PLPP3: variants seen among roughly 807,000 people sequenced by gnomAD.
The protein encoded by PLPP3 is PAP2 beta.
In PLPP3, 6 loss-of-function variants were observed where a neutral mutation model predicts 29.6. The ratio of observed to expected loss-of-function variants is 0.20; its 90% confidence interval spans 0.11 to 0.40. PLPP3 has a LOEUF of 0.40. Ranked by LOEUF, PLPP3 falls within the 10% of genes least tolerant of loss-of-function variation. The pLI is 1.00. For synonymous variants in PLPP3, 152 were observed against 159.7 expected, an observed-to-expected ratio of 0.95 and a Z score of 0.36; for missense variants, 308 against 407.7, an observed-to-expected ratio of 0.76 and a Z score of 2.11.
chr1:56,514,149 T>G (rs1029594661), intron 4 of PLPP3, among the ~76,000 whole-genome samples: 2 of 152,014 alleles, frequency 1.3e-5, no homozygotes, highest in African/African-American at 4.8e-5. Flanking sequence ...TCCTGACATA[T>G]AGAGCAGACA....
rs1179859017 is a variant in PLPP3 at position 56,523,842 on chromosome 1, T to C, written c.614A>G (p.Tyr205Cys). 6.2e-7 allele frequency: 1 copy of C among 1,613,718 alleles called. No individual in the cohort carries two copies. Among genetic ancestry groups the C allele is most frequent in the Admixed American group, 1.7e-5 (1 of 59,980 alleles). Residue 205 changes from tyrosine to cysteine, a missense_variant, in exon 4 of 6, where the codon TAC becomes TGC. Tyr to Cys is a radical substitution (Grantham distance 194, BLOSUM62 -2). Around this residue, in one of 3 missense-constraint regions of PLPP3, gnomAD observed 232 missense variants for 317.2 expected, o/e 0.73. Transcript: ENST00000371250. ...ACTTACCACCAAATACAGCATAGTG[T>C]ACATGGAGAAGGAGGCATGGCCAGA... is the stretch of plus-strand genomic sequence containing the variant. Reference protein sequence around the residue: ...FFSGHASFSMYTMLYLVLYLQ... With the variant: ...FFSGHASFSMCTMLYLVLYLQ...
rs140476566 is a variant in PLPP3, at chr1:56,524,511, G to A, written c.341C>T (p.Ser114Leu). 4.5e-5 allele frequency: 73 copies of A among 1,612,588 alleles called. No homozygotes were observed. The highest frequency in any genetic ancestry group is 5.7e-5 in the Non-Finnish European group (67 of 1,178,792). The change falls in exon 3 of 6, where the codon TCG becomes TTG. Residue 114 changes from serine to leucine, a missense_variant. This residue lies in a region of PLPP3 where 232 missense variants were observed against 317.2 expected (regional missense o/e 0.73). Coordinates refer to ENST00000371250, the MANE Select transcript of PLPP3 (RefSeq NM_003713.5). The surrounding 1 kb of genome is among the most constrained non-coding windows in gnomAD (Gnocchi z 4.3). Reference protein sequence around the residue: ...EFYRIYYLKKSRSTIQNPYVA... With the variant: ...EFYRIYYLKKLRSTIQNPYVA... ...GTAGGGGTTCTGAATCGTCGACCGC[G>A]ACTTCTTCAGGTAATAGATCCGGTA...
chr1:56,541,981 A>G (rs79182062), intron 1 of PLPP3, among the ~76,000 whole-genome samples: 1 of 152,020 alleles, frequency 6.6e-6, no homozygotes, highest in African/African-American at 2.4e-5. Context: ...AAAAAAAAAA[A>G]AAAGAATCTA....
chr1:56,514,574 GAT>G (rs1170963860), intron 4 of PLPP3, among the ~76,000 whole-genome samples: 1 of 152,116 alleles, frequency 6.6e-6, no homozygotes, highest in Admixed American at 6.6e-5. Flanking sequence ...CTTCAAAAAA[GAT>G]AGGTGAATGT....
Position 56,512,052 on chromosome 1 carries a change from C to T in PLPP3, c.734G>A (p.Arg245His). The change falls in exon 5 of 6, where the codon CGC becomes CAC. Residue 245 changes from arginine to histidine, a missense_variant. Physicochemically the swap from Arg to His is conservative, Grantham distance 29. This residue lies in a region of PLPP3 where 232 missense variants were observed against 317.2 expected (regional missense o/e 0.73). Transcript: ENST00000371250. ...GGGATGGTGCTTGTGGTCTGATACG[C>T]GAGACAGTCCCGTGTAGAAGGCCAT... Reference protein sequence around the residue: ...IMMAFYTGLSRVSDHKHHPSD... With the variant: ...IMMAFYTGLSHVSDHKHHPSD... 6.2e-7 allele frequency: 1 copy of T among 1,613,526 alleles called. No individual in the cohort carries two copies. Among genetic ancestry groups the T allele is most frequent in the Non-Finnish European group, 8.5e-7 (1 of 1,179,796 alleles).
chr1:56,579,059 C>A lies in PLPP3; in HGVS notation c.-43G>T. On this transcript the variant is annotated 5_prime_UTR_variant, in exon 1 of 6. Coordinates refer to ENST00000371250, the MANE Select transcript of PLPP3 (RefSeq NM_003713.5). ...GAGCCTCCCGCCCCGCGAAGACGTCCCGCAACAGCAGCCACACACCCAGGC... is the reference window on the plus strand; with the variant it reads ...GAGCCTCCCGCCCCGCGAAGACGTCACGCAACAGCAGCCACACACCCAGGC... 1 of 1,571,066 alleles carries A rather than the reference C, an allele frequency of 6.4e-7. No individual in the cohort carries two copies.
intron 4 of PLPP3, among the ~76,000 whole-genome samples, chr1:56,518,722 T>C (rs1324925355): frequency 1.4e-5 from 2 of 145,100 alleles, no homozygotes; most frequent in African/African-American, 5.3e-5. Flanking sequence ...CATTTATATA[T>C]ATATATATAT....
intron 1 of PLPP3, among the ~76,000 whole-genome samples, chr1:56,576,361 C>T (rs139270930): frequency 2.5e-3 from 375 of 152,208 alleles, no homozygotes; most frequent in African/African-American, 8.6e-3. Flanking sequence ...AAAGTGGAAA[C>T]AATTTTTTTT....
rs187786905 is a variant in PLPP3 at position 56,564,231 on chromosome 1, C to A, written c.139+14647G>T. Among the ~76,000 whole-genome samples, 19 of 152,272 alleles carry A rather than the reference C, an allele frequency of 1.2e-4. No individual in the cohort carries two copies. In the East Asian group the frequency reaches 3.5e-3, roughly 28 times the overall value. ...ATCTATAAAACCAGTTAGAGGAATA[C>A]CTCCCCTTCAGGCTTGTATGATTTG... On this transcript the variant is annotated intron_variant, in intron 1 of 5. Coordinates refer to ENST00000371250, the MANE Select transcript of PLPP3 (RefSeq NM_003713.5).
At chr1:56,572,124 A>T (rs1326968739) in intron 1 of PLPP3, among the ~76,000 whole-genome samples, 1 of 128,808 alleles carries the variant, frequency 7.8e-6, no homozygotes, top group Admixed American at 1.1e-4. Flanking sequence ...ATCTTGGCTC[A>T]CTGCAGCCTC....
intron 2 of PLPP3, among the ~76,000 whole-genome samples, chr1:56,529,114 A>C (rs1038484287): frequency 1.3e-5 from 2 of 151,954 alleles, no homozygotes; most frequent in African/African-American, 4.8e-5. Flanking sequence ...TTTCACATCC[A>C]CTATACTGTT....
At chr1:56,553,527 C>G (rs1162042651) in intron 1 of PLPP3, among the ~76,000 whole-genome samples, 1 of 152,200 alleles carries the variant, frequency 6.6e-6, no homozygotes, top group African/African-American at 2.4e-5. Context: ...AGGTCCTGGA[C>G]AGCACAGCTC....
At chr1:56,512,230 C>A (rs1645746166) in intron 4 of PLPP3, 78 bp from the exon 5 acceptor site, 3 of 1,287,894 alleles carry the variant, frequency 2.3e-6, no homozygotes, top group Non-Finnish European at 3.1e-6. Context: ...GTGACACACA[C>A]TACATTTCTA....
rs1440661937 is a variant in PLPP3 at position 56,524,784 on chromosome 1, A to C, written c.298-230T>G. Among the ~76,000 whole-genome samples the C allele has an allele frequency of 6.7e-6, 1 of 150,050 alleles. No homozygotes were observed. The highest frequency in any genetic ancestry group is 1.9e-4 in the East Asian group (1 of 5,168). Reference sequence around the variant, plus strand: ...TAACAACAAAAATATACAACCAAATATATTTATATGTATATATGTGTATGT... The same window carrying C: ...TAACAACAAAAATATACAACCAAATCTATTTATATGTATATATGTGTATGT... On this transcript the variant is annotated intron_variant, in intron 2 of 5. Coordinates refer to ENST00000371250, the MANE Select transcript of PLPP3 (RefSeq NM_003713.5). The surrounding 1 kb of genome is among the most constrained non-coding windows in gnomAD (Gnocchi z 4.3).
intron 5 of PLPP3, among the ~76,000 whole-genome samples, chr1:56,510,383 A>G (rs1275140495): frequency 6.6e-6 from 1 of 152,250 alleles, no homozygotes; most frequent in Non-Finnish European, 1.5e-5. Context: ...AAAGAAAAAG[A>G]AAGCAAGGGA....
intron 1 of PLPP3, among the ~76,000 whole-genome samples, chr1:56,573,323 CATTCGG>C (rs1337588660): frequency 6.6e-6 from 1 of 152,126 alleles, no homozygotes; most frequent in Admixed American, 6.5e-5. Flanking sequence ...GGTAATTTTC[CATTCGG>C]AAGAATTCTT....
intron 1 of PLPP3, among the ~76,000 whole-genome samples, chr1:56,557,884 T>C (rs979591834): frequency 2.0e-5 from 3 of 152,118 alleles, no homozygotes; most frequent in Non-Finnish European, 4.4e-5. Context: ...TCCAACCCCA[T>C]ATTGCTCTGC....
rs78200121 is a variant in PLPP3 at position 56,541,695 on chromosome 1, T to C, written c.140-4583A>G. Among the ~76,000 whole-genome samples the C allele has an allele frequency of 3.2e-3, 495 of 152,308 alleles. 1 individual carries two copies. Among genetic ancestry groups the C allele is most frequent in the Middle Eastern group, 6.8e-3 (2 of 294 alleles). The stretch of plus-strand genomic sequence containing the variant: ...ATGATCTGACTCTGATTTTGGGTGC[T>C]TTCTATAAAGTAAGTGAGTCACTCT... On this transcript the variant is annotated intron_variant, in intron 1 of 5. Coordinates refer to ENST00000371250, the MANE Select transcript of PLPP3 (RefSeq NM_003713.5).
At chr1:56,509,303 T>G (rs1462869106) in intron 5 of PLPP3, among the ~76,000 whole-genome samples, 1 of 152,156 alleles carries the variant, frequency 6.6e-6, no homozygotes, top group African/African-American at 2.4e-5. Context: ...AAGGACTCCG[T>G]GACACAATTA....
Sources: gnomAD v4.1 joint callset for allele counts (sites outside exome capture counted in the v4.1 genomes callset) on GRCh38, gnomAD v4.1.1 for gene constraint, gnomAD v4.1.1 regional missense constraint, Gnocchi (gnomAD v3.1) non-coding constraint, MANE v1.5 for transcripts, NCBI Gene and HGNC (gene_info 2026-07-23, HGNC 2026-07-21) for gene names.